The following DOCK3 variants were observed in gnomAD, a reference collection of about 807,000 sequenced individuals.
DOCK3 encodes the protein dedicator of cytokinesis 3, also known as dedicator of cytokinesis protein 3.
DOCK3 carries 60 observed loss-of-function variants against 265.6 expected under a neutral mutation model. The observed-to-expected ratio is 0.23, with a 90% CI of 0.18 to 0.28. The LOEUF is 0.28. DOCK3 is among the 10% of genes least tolerant of loss of function. The pLI, the probability that DOCK3 is intolerant of heterozygous loss-of-function variation, is 1.00. For synonymous variants in DOCK3, 881 were observed against 938.0 expected (o/e 0.94, Z 1.11); for missense variants, 1,981 against 2,594.3 (o/e 0.76, Z 5.14).
chr3:51,065,687 T>A (rs2081565764), intron 6 of DOCK3, among the ~76,000 whole-genome samples: 1 of 152,164 alleles, frequency 6.6e-6, no homozygotes, highest in Non-Finnish European at 1.5e-5. Context: ...GGGACTTTCT[T>A]GCAAAACTCT....
intron 27 of DOCK3, among the ~76,000 whole-genome samples, chr3:51,282,262 T>C (rs769868984): frequency 1.4e-4 from 22 of 152,172 alleles, no homozygotes; most frequent in Non-Finnish European, 2.4e-4. Context: ...TGCCATAAAA[T>C]TCATACTTTT....
Position 50,719,555 on chromosome 3 carries a change from G to C in DOCK3, c.37+44255G>C, listed in dbSNP as rs532980765. On this transcript the variant is annotated intron_variant, in intron 1 of 52. Transcript: ENST00000266037. Reference sequence around the variant, plus strand: ...GTTTCTGGATCTAGAGCACTCCATGGCCTGCATAATATTAATGCTATTATT... The same window carrying C: ...GTTTCTGGATCTAGAGCACTCCATGCCCTGCATAATATTAATGCTATTATT... 190 of 1,311,858 alleles carry C rather than the reference G, an allele frequency of 1.4e-4. 1 individual carries two copies. In the South Asian group the frequency reaches 2.2e-3, roughly 15 times the overall value. The allele number at this position is 1,311,858 out of a possible 1,614,324, so 81.3% of individuals were successfully genotyped here.
intron 44 of DOCK3, 28 bp from the exon 45 acceptor site, chr3:51,357,730 C>G: frequency 1.9e-6 from 3 of 1,612,736 alleles, no homozygotes; most frequent in Non-Finnish European, 2.5e-6. Flanking sequence ...TGGGAAGAGT[C>G]TTCCTGACTT....
In DOCK3 at chr3:50,796,492, C is replaced by T. The variant is rs554955950; in HGVS notation, c.121+17734C>T. On this transcript the variant is annotated intron_variant, in intron 2 of 52. Transcript: ENST00000266037. ...TAGCTGGGATTATAGGCATGCGTCA[C>T]CACGCTCGGCTAATTTTGTATTTTT... 9.9e-5 allele frequency among the ~76,000 whole-genome samples: 15 copies of T among 152,244 alleles called. No individual in the cohort carries two copies. The South Asian group carries it at 3.1e-3, about 32-fold the overall frequency.
At chr3:51,167,583 A>G (rs552986416) in intron 12 of DOCK3, among the ~76,000 whole-genome samples, 3 of 152,094 alleles carry the variant, frequency 2.0e-5, no homozygotes, top group South Asian at 2.1e-4. Flanking sequence ...ATTTATGAAC[A>G]CTGGATTTTT....
At chr3:50,767,157 C>A (rs958921465) in intron 1 of DOCK3, among the ~76,000 whole-genome samples, 3 of 152,132 alleles carry the variant, frequency 2.0e-5, no homozygotes, top group African/African-American at 7.2e-5. Context: ...CTTTTGTGGC[C>A]ATTGCTTTTG....
At chr3:51,131,757 C>T (rs2084563001) in intron 9 of DOCK3, among the ~76,000 whole-genome samples, 1 of 152,142 alleles carries the variant, frequency 6.6e-6, no homozygotes, top group African/African-American at 2.4e-5. Flanking sequence ...GCCCATTTTG[C>T]CTGTGACAGT....
chr3:50,942,657 TTACTC>T (rs1036123322), intron 5 of DOCK3, among the ~76,000 whole-genome samples: 3 of 152,026 alleles, frequency 2.0e-5, no homozygotes, highest in African/African-American at 4.8e-5. Flanking sequence ...CAATAACTGA[TTACTC>T]TAAAGTCAAA....
chr3:50,800,933 G>A (rs951932082), intron 2 of DOCK3, among the ~76,000 whole-genome samples: 1 of 152,026 alleles, frequency 6.6e-6, no homozygotes, highest in African/African-American at 2.4e-5. Flanking sequence ...TCATTCAGGA[G>A]CATGTTGTTT....
At chr3:51,227,942 T>C (rs544793930) in intron 16 of DOCK3, 40 bp from the exon 17 acceptor site, 1 of 1,595,954 alleles carries the variant, frequency 6.3e-7, no homozygotes, top group South Asian at 1.1e-5. Flanking sequence ...GGAAGCAGAG[T>C]GGAAGGCAAA....
chr3:51,341,306 T>C lies in DOCK3; in HGVS notation c.3836T>C (p.Leu1279Pro), dbSNP rs1295278569. The change falls in exon 38 of 53, where the codon CTC (leucine) becomes CCC (proline). Residue 1279 changes from leucine (L) to proline (P), a missense_variant. Transcript: ENST00000266037. ...GAGGACCGGCCACTACGGGAATTCC[T>C]CCACTACCCATCGCAGACAGAGTGG... ...QWEDRPLREF[L>P]HYPSQTEWQR... 3 of 1,613,218 alleles carry C rather than the reference T, an allele frequency of 1.9e-6. No homozygotes were observed. The highest frequency in any genetic ancestry group is 1.7e-6 in the Non-Finnish European group (2 of 1,179,488).
At chr3:50,796,128 C>T (rs561097824) in intron 2 of DOCK3, among the ~76,000 whole-genome samples, 3 of 151,938 alleles carry the variant, frequency 2.0e-5, no homozygotes, top group South Asian at 4.2e-4. Flanking sequence ...GCAAGCTCCG[C>T]CTCCTGGGTT....
At chr3:50,726,974 G>C (rs929134700) in intron 1 of DOCK3, among the ~76,000 whole-genome samples, 4 of 152,144 alleles carry the variant, frequency 2.6e-5, no homozygotes, top group African/African-American at 9.7e-5. Flanking sequence ...TTTTAAGTCA[G>C]CTGTCTTAAA....
At chr3:50,944,199 A>G (rs1254651931) in intron 5 of DOCK3, among the ~76,000 whole-genome samples, 1 of 152,228 alleles carries the variant, frequency 6.6e-6, no homozygotes. Context: ...TTAAAGCAGA[A>G]TAGAAAAACC....
intron 9 of DOCK3, among the ~76,000 whole-genome samples, chr3:51,134,642 T>C (rs1446168336): frequency 6.6e-6 from 1 of 152,140 alleles, no homozygotes. Context: ...ATCCTGGAGA[T>C]AGATTTCTTT....
chr3:51,243,563 T>C (rs1377147227), intron 21 of DOCK3, among the ~76,000 whole-genome samples: 2 of 152,154 alleles, frequency 1.3e-5, no homozygotes, highest in Non-Finnish European at 2.9e-5. Flanking sequence ...AAAGAGGTTA[T>C]TTGTTTTATT....
chr3:51,013,206 G>C (rs77811927), intron 5 of DOCK3, among the ~76,000 whole-genome samples: 3 of 152,160 alleles, frequency 2.0e-5, no homozygotes, highest in African/African-American at 7.2e-5. Context: ...AAGGAGCTGC[G>C]ATCCTTTGGA....
At position 50,786,781 on chromosome 3, in the gene DOCK3, G is replaced by C. The variant is rs1010923880; in HGVS notation, c.121+8023G>C. ...AATCCTTGCCACACCACTGGCACATGAACTGTTTGTGCCCAACGTGGATGC... is the reference window on the plus strand; with the variant it reads ...AATCCTTGCCACACCACTGGCACATCAACTGTTTGTGCCCAACGTGGATGC... On this transcript the variant is annotated intron_variant, in intron 2 of 52. Coordinates refer to ENST00000266037, the MANE Select transcript of DOCK3 (RefSeq NM_004947.5). The C allele has an allele frequency of 2.7e-5, 20 of 740,908 alleles. No individual in the cohort carries two copies. The African/African-American group carries it at 3.1e-4, about 11-fold the overall frequency. The allele number at this position is 740,908 out of a possible 1,614,324, so 45.9% of individuals were successfully genotyped here. A position where few individuals can be genotyped will look rare whatever the true frequency, so the allele number is the denominator to read the frequency against.
intron 17 of DOCK3, 91 bp downstream of exon 17, chr3:51,228,179 C>A: frequency 2.3e-6 from 3 of 1,310,454 alleles, no homozygotes; most frequent in Admixed American, 1.9e-5. Context: ...TTTCACTGGG[C>A]AGGCCAGAAG....
Sources: gnomAD v4.1 joint callset for allele counts (sites outside exome capture counted in the v4.1 genomes callset) on GRCh38, gnomAD v4.1.1 for gene constraint, MANE v1.5 for transcripts, NCBI Gene and HGNC (gene_info 2026-07-23, HGNC 2026-07-21) for gene names.